ACOT9: variants seen among roughly 807,000 people sequenced by gnomAD.
ACOT9 encodes acyl-coenzyme A thioesterase 9, mitochondrial.
A neutral mutation model predicts 39.7 loss-of-function variants in ACOT9; 34 were observed. The ratio of observed to expected loss-of-function variants is 0.86; its 90% CI spans 0.65 to 1.14. The LOEUF is 1.14. Ranked by LOEUF, ACOT9 falls within the 50% of genes most tolerant of loss-of-function variation. The pLI, the probability that ACOT9 is intolerant of heterozygous loss-of-function variation, is 0.00. For missense variants in ACOT9, 313 were observed against 344.1 expected (o/e 0.91, Z 0.71); for synonymous variants, 110 against 120.5 (o/e 0.91, Z 0.57).
intron 6 of ACOT9, among the ~76,000 whole-genome samples, chrX:23,728,158 T>C (rs1929601321): frequency 9.0e-6 from 1 of 110,986 alleles, no homozygotes; most frequent in African/African-American, 3.3e-5. Flanking sequence ...AACAATATAT[T>C]AGAACCCTTT....
intron 8 of ACOT9, among the ~76,000 whole-genome samples, chrX:23,716,480 A>G (rs983005187): frequency 8.9e-5 from 10 of 111,981 alleles, no homozygotes; most frequent in Non-Finnish European, 1.5e-4. Flanking sequence ...TGCAATGCTC[A>G]ACCTATGTAA....
intron 8 of ACOT9, among the ~76,000 whole-genome samples, chrX:23,720,481 C>G (rs1048385087): frequency 3.6e-5 from 4 of 111,332 alleles, no homozygotes; most frequent in Admixed American, 2.9e-4. Context: ...TAGCAGCATC[C>G]TGACAAGAGA....
intron 8 of ACOT9, among the ~76,000 whole-genome samples, chrX:23,716,065 A>G (rs1368322868): frequency 8.9e-6 from 1 of 111,855 alleles, no homozygotes; most frequent in African/African-American, 3.2e-5. Flanking sequence ...TCTGTAGGAG[A>G]CTAGCAGGTG....
At chrX:23,741,556 T>C (rs1251093807) in intron 1 of ACOT9, among the ~76,000 whole-genome samples, 1 of 111,228 alleles carries the variant, frequency 9.0e-6, no homozygotes, top group African/African-American at 3.3e-5. Flanking sequence ...CTCTTGCAAG[T>C]CTAAAAAAGA....
At chrX:23,728,054 G>A (rs1363872366) in intron 6 of ACOT9, among the ~76,000 whole-genome samples, 4 of 109,816 alleles carry the variant, frequency 3.6e-5, no homozygotes, top group Non-Finnish European at 5.7e-5. Flanking sequence ...AGAACTTTAG[G>A]AGGCTGAGGC....
chrX:23,713,525 G>T (rs767983223), intron 8 of ACOT9, among the ~76,000 whole-genome samples: 1 of 102,929 alleles, frequency 9.7e-6, no homozygotes, highest in African/African-American at 3.6e-5. Flanking sequence ...GTTGCAGTGA[G>T]CCGAGATTGC....
At chrX:23,719,352 T>TA (rs1929206792) in intron 8 of ACOT9, among the ~76,000 whole-genome samples, 1 of 111,889 alleles carries the variant, frequency 8.9e-6, no homozygotes, top group Non-Finnish European at 1.9e-5. Flanking sequence ...TAGTACTGAA[T>TA]AAAAAAAATA....
intron 6 of ACOT9, among the ~76,000 whole-genome samples, chrX:23,726,217 C>CAAAAT (rs1929516664): frequency 9.0e-6 from 1 of 111,021 alleles, no homozygotes; most frequent in South Asian, 3.7e-4. Context: ...AATAAATAAA[C>CAAAAT]AAAATAAAAT....
chrX:23,721,773 G>A (rs1242859434), intron 8 of ACOT9, 108 bp downstream of exon 8: 24 of 553,340 alleles, frequency 4.3e-5, no homozygotes, highest in Non-Finnish European at 6.8e-5. Context: ...TTTTCTAGAA[G>A]CAGTGAGCAA....
chrX:23,727,467 T>A (rs1929572865), intron 6 of ACOT9, among the ~76,000 whole-genome samples: 1 of 109,640 alleles, frequency 9.1e-6, no homozygotes, highest in African/African-American at 3.3e-5. Context: ...CTGGAACTAC[T>A]AGTGCATGCC....
chrX:23,721,184 G>C (rs1030025096), intron 8 of ACOT9, among the ~76,000 whole-genome samples: 1 of 110,978 alleles, frequency 9.0e-6, no homozygotes, highest in Non-Finnish European at 1.9e-5. Context: ...TCCACCTCCT[G>C]GGTTCAAGCG....
chrX:23,720,118 C>A (rs1452404298), intron 8 of ACOT9, among the ~76,000 whole-genome samples: 1 of 113,015 alleles, frequency 8.8e-6, no homozygotes, highest in African/African-American at 3.2e-5. Context: ...CAGGCGTGAG[C>A]CACCGCGCCC....
rs1042557565 is a variant in ACOT9 at position 23,701,325 on chromosome X, C to T, written c.*2569G>A. Among the ~76,000 whole-genome samples, 4 of 111,167 alleles carry T rather than the reference C, an allele frequency of 3.6e-5. No homozygotes were observed. The highest frequency in any genetic ancestry group is 3.8e-5 in the Non-Finnish European group (2 of 53,082). ...GTAAATCTCAGTCAGGATGGCATTA[C>T]GGCATGGAGAGACAAGTTATTATAG... is the stretch of plus-strand genomic sequence containing the variant. On this transcript the variant is annotated 3_prime_UTR_variant, in exon 16 of 16. Transcript: ENST00000379303.
Position 23,733,164 on chromosome X carries a change from A to C in ACOT9, c.191+8T>G. 1 of 1,206,726 alleles carries C rather than the reference A, an allele frequency of 8.3e-7. No individual in the cohort carries two copies. The highest frequency in any genetic ancestry group is 1.1e-6 in the Non-Finnish European group (1 of 891,138). ...ATGAAAAGAATGAATGAAAACAAAG[A>C]TGCATACCTCCAGTTTGTGGATGCT... is the stretch of plus-strand genomic sequence containing the variant. On this transcript the variant is annotated splice_region_variant and intron_variant, in intron 4 of 15. Transcript: ENST00000379303.
At chrX:23,705,950 G>A (rs1266065179) in intron 11 of ACOT9, 92 bp from the exon 12 acceptor site, 1 of 784,237 alleles carries the variant, frequency 1.3e-6, no homozygotes, top group Non-Finnish European at 1.9e-6. Context: ...AATACACTCA[G>A]ACAACTGTGG....
intron 8 of ACOT9, among the ~76,000 whole-genome samples, chrX:23,720,021 G>A (rs1428017264): frequency 1.8e-5 from 2 of 111,542 alleles, no homozygotes; most frequent in African/African-American, 6.5e-5. Flanking sequence ...TTTTAGTAGA[G>A]ACAGGGTTTC....
chrX:23,706,616 C>T lies in ACOT9; in HGVS notation c.842+12G>A. 1 of 754,423 alleles carries T rather than the reference C, an allele frequency of 1.3e-6. No homozygotes were observed. The highest frequency in any genetic ancestry group is 2.0e-6 in the Non-Finnish European group (1 of 499,797). 62.2% of individuals were successfully genotyped at this position (754,423 alleles called of 1,213,427 possible). Reference sequence around the variant, plus strand: ...TAAATGTTTTCCCAACGTGGAATCTCACCATCCTTACTTTGGATCCAGTGT... The same window carrying T: ...TAAATGTTTTCCCAACGTGGAATCTTACCATCCTTACTTTGGATCCAGTGT... On this transcript the variant is annotated intron_variant, in intron 11 of 15. Transcript: ENST00000379303.
chrX:23,740,749 CA>C (rs1930115024), intron 1 of ACOT9, among the ~76,000 whole-genome samples: 1 of 52,232 alleles, frequency 1.9e-5, no homozygotes, highest in Non-Finnish European at 3.3e-5. Flanking sequence ...CACACACACA[CA>C]CACACACACA....
rs201394118 is a variant in ACOT9 at position 23,742,211 on chromosome X, AGT to A, written c.20+912_20+913del. Reference sequence around the variant, plus strand: ...ACAAAGTCCCCAGGAACAGTGAGTGAGTGAGAGAGAGAGAGAGAGAGAGAGGG... The same window carrying A: ...ACAAAGTCCCCAGGAACAGTGAGTGAGAGAGAGAGAGAGAGAGAGAGAGGG... On this transcript the variant is annotated intron_variant, in intron 1 of 15. Coordinates refer to ENST00000379303, the MANE Select transcript of ACOT9 (RefSeq NM_001037171.2). Among the ~76,000 whole-genome samples the A allele has an allele frequency of 5.1e-3, 238 of 47,090 alleles. 9 individuals are homozygous for A. The highest frequency in any genetic ancestry group is 0.027 in the African/African-American group (140 of 5,109). The allele number at this position is 47,090 out of a possible 115,157, so 40.9% of individuals were successfully genotyped here. A position where few individuals can be genotyped will look rare whatever the true frequency, so the allele number is the denominator to read the frequency against.
Sources: gnomAD v4.1 joint callset for allele counts (sites outside exome capture counted in the v4.1 genomes callset) on GRCh38, gnomAD v4.1.1 for gene constraint, MANE v1.5 for transcripts, NCBI Gene and HGNC (gene_info 2026-07-23, HGNC 2026-07-21) for gene names.